Variants in SUPT20H observed in about 807,000 individuals in gnomAD.
SUPT20H encodes the protein transcription factor SPT20 homolog.
In SUPT20H, 82 loss-of-function variants were observed where a neutral mutation model predicts 122.8. The observed-to-expected ratio is 0.67, with a 90% CI of 0.56 to 0.80. The LOEUF (loss-of-function observed/expected upper bound fraction) is 0.80. Among genes scored for constraint, SUPT20H ranks in the 30% least tolerant of loss-of-function variants. The probability of loss-of-function intolerance (pLI) is 0.00; values close to 1 mark genes in which losing one functional copy is unlikely to be tolerated. For missense variants in SUPT20H, 831 were observed against 921.6 expected, an observed-to-expected ratio of 0.90 and a Z score of 1.27; for synonymous variants, 291 against 313.0, an observed-to-expected ratio of 0.93 and a Z score of 0.74.
chr13:37,026,141 C>A, intron 16 of SUPT20H, 63 bp downstream of exon 16: 1 of 1,393,024 alleles, frequency 7.2e-7, no homozygotes. Context: ...ATTCTCTATC[C>A]TATAAGGGTG....
intron 4 of SUPT20H, 79 bp from the exon 5 acceptor site, chr13:37,047,680 C>T (rs2066757938): frequency 7.8e-7 from 1 of 1,274,278 alleles, no homozygotes; most frequent in Non-Finnish European, 1.0e-6. Flanking sequence ...TAATTTTTTC[C>T]TAAATTTTCA....
chr13:37,058,363 C>G (rs2069707771), intron 1 of SUPT20H, among the ~76,000 whole-genome samples: 1 of 152,170 alleles, frequency 6.6e-6, no homozygotes, highest in Non-Finnish European at 1.5e-5. Context: ...TAAGATATTA[C>G]TCCTACCCTT....
At chr13:37,010,704 T>A (rs1180326274) in intron 24 of SUPT20H, 49 bp from the exon 25 acceptor site, 46 of 1,350,160 alleles carry the variant, frequency 3.4e-5, no homozygotes, top group Non-Finnish European at 4.5e-5. Context: ...GTTTGAAGGC[T>A]ACCAGGGTTA....
intron 19 of SUPT20H, chr13:37,023,830 A>C (rs2061759957): frequency 1.1e-5 from 5 of 459,014 alleles, no homozygotes; most frequent in Non-Finnish European, 7.5e-6. Flanking sequence ...ATGTATACAC[A>C]GATACAGAAA....
chr13:37,021,415 T>G (rs1405659774), intron 21 of SUPT20H, 33 bp downstream of exon 21: 1 of 1,553,606 alleles, frequency 6.4e-7, no homozygotes, highest in African/African-American at 1.4e-5. Context: ...TACTTTAATT[T>G]TTTTTAGAGG....
At chr13:37,045,150 G>T in intron 6 of SUPT20H, 97 bp downstream of exon 6, 1 of 1,519,040 alleles carries the variant, frequency 6.6e-7, no homozygotes, top group Non-Finnish European at 8.9e-7. Flanking sequence ...CTATCTGAAG[G>T]ACAAATGCTT....
chr13:37,048,373 T>C (rs1192593161), intron 3 of SUPT20H, among the ~76,000 whole-genome samples, 191 bp downstream of exon 3: 1 of 152,162 alleles, frequency 6.6e-6, no homozygotes, highest in African/African-American at 2.4e-5. Context: ...CATTATTATC[T>C]TGAGGATTCC....
intron 9 of SUPT20H, among the ~76,000 whole-genome samples, chr13:37,036,305 A>G (rs2064378188): frequency 6.7e-6 from 1 of 148,240 alleles, no homozygotes; most frequent in Admixed American, 6.9e-5. Flanking sequence ...GATTTGAACT[A>G]TGCAGGTCCA....
At chr13:37,035,873 T>C (rs760371837) in intron 9 of SUPT20H, among the ~76,000 whole-genome samples, 16 of 152,222 alleles carry the variant, frequency 1.1e-4, no homozygotes, top group African/African-American at 3.1e-4. Flanking sequence ...GCTGTGAACA[T>C]TGTTGAAATG....
Position 37,057,713 on chromosome 13 carries a change from C to T in SUPT20H, c.-94+1846G>A, listed in dbSNP as rs375012796. On this transcript the variant is annotated intron_variant, in intron 1 of 25. Transcript: ENST00000350612. ...AGAAGGCCGGGTGCAGTGGCTCACA[C>T]CTATAATCCCAGCACTTTGGGAGGC... Among the ~76,000 whole-genome samples the T allele has an allele frequency of 8.5e-5, 13 of 152,130 alleles. No individual in the cohort carries two copies. In the South Asian group the frequency reaches 1.9e-3, roughly 22 times the overall value.
Position 37,019,245 on chromosome 13 carries a change from C to T in SUPT20H, c.1872+97G>A, listed in dbSNP as rs1305395455. The T allele has an allele frequency of 5.9e-6, 5 of 842,138 alleles. No individual in the cohort carries two copies. The Admixed American group carries it at 1.1e-4, about 18-fold the overall frequency. 52.2% of individuals were successfully genotyped at this position (842,138 alleles called of 1,614,324 possible). ...ACACCCTTAGAAGAATCTAAACAGA[C>T]CTCAGAATTTCAAGTGCTGATACAT... On this transcript the variant is annotated intron_variant, in intron 22 of 25. Transcript: ENST00000350612.
intron 2 of SUPT20H, among the ~76,000 whole-genome samples, 177 bp downstream of exon 2, chr13:37,051,311 T>C (rs534717699): frequency 6.6e-6 from 1 of 152,284 alleles, no homozygotes; most frequent in South Asian, 2.1e-4. Flanking sequence ...CACTGATTAG[T>C]GAGCAATATA....
At chr13:37,033,365 T>C (rs2063743497) in intron 10 of SUPT20H, 84 bp downstream of exon 10, 2 of 1,519,516 alleles carry the variant, frequency 1.3e-6, no homozygotes, top group Non-Finnish European at 8.9e-7. Context: ...GGAGCAACCA[T>C]ACCCTGGAGG....
chr13:37,031,797 T>G lies in SUPT20H; in HGVS notation c.806A>C (p.Lys269Thr). The change falls in exon 11 of 26, where the codon AAA (lysine) becomes ACA (threonine). Residue 269 changes from lysine to threonine, a missense_variant. Lys to Thr is a moderately conservative substitution (Grantham distance 78, BLOSUM62 -1). Transcript: ENST00000350612. ...PQLRLLDFLQKRKERKAGQHY... is the reference protein window; with the variant it reads ...PQLRLLDFLQTRKERKAGQHY... ...CTGACCTGCTTTTCTTTCCTTTCTT[T>G]TTTGTAAGAAATCAAGTAACCTCAG... 6.2e-7 allele frequency: 1 copy of G among 1,610,074 alleles called. No individual in the cohort carries two copies. The highest frequency in any genetic ancestry group is 8.5e-7 in the Non-Finnish European group (1 of 1,178,696).
intron 1 of SUPT20H, among the ~76,000 whole-genome samples, chr13:37,058,152 G>T (rs148160262): frequency 2.6e-5 from 4 of 152,014 alleles, no homozygotes; most frequent in Non-Finnish European, 5.9e-5. Context: ...TGTAATCCCA[G>T]CTACTCCGGA....
intron 3 of SUPT20H, 51 bp from the exon 4 acceptor site, chr13:37,047,987 A>T (rs774995728): frequency 6.9e-7 from 1 of 1,448,938 alleles, no homozygotes. Flanking sequence ...TTTGACTATG[A>T]ACAACTGTAT....
At chr13:37,057,593 T>C (rs1404611948) in intron 1 of SUPT20H, among the ~76,000 whole-genome samples, 1 of 150,340 alleles carries the variant, frequency 6.7e-6, no homozygotes, top group Admixed American at 6.6e-5. Context: ...TCCCAGCACT[T>C]TGGGAGGCAG....
At chr13:37,026,132 TTC>T in intron 16 of SUPT20H, 70 bp downstream of exon 16, 1 of 1,259,818 alleles carries the variant, frequency 7.9e-7, no homozygotes, top group Non-Finnish European at 1.1e-6. Flanking sequence ...ACTCCTAGTA[TTC>T]TCTATCCTAT....
intron 9 of SUPT20H, among the ~76,000 whole-genome samples, chr13:37,034,790 A>C (rs1484284404): frequency 9.2e-5 from 14 of 152,110 alleles, no homozygotes; most frequent in Admixed American, 9.2e-4. Context: ...GAACAGGCTG[A>C]CTCTCTTGTT....
Sources: gnomAD v4.1 joint callset for allele counts (sites outside exome capture counted in the v4.1 genomes callset) on GRCh38, gnomAD v4.1.1 for gene constraint, MANE v1.5 for transcripts, NCBI Gene and HGNC (gene_info 2026-07-23, HGNC 2026-07-21) for gene names.